EFCAB13: variants seen among roughly 807,000 people sequenced by gnomAD.
The protein encoded by EFCAB13 is EF-hand calcium binding domain 13, also known as EF-hand calcium-binding domain-containing protein 13.
EFCAB13 carries 91 observed loss-of-function variants against 110.2 expected under a neutral mutation model. That is an observed-to-expected ratio of 0.83 (90% confidence interval 0.70 to 0.98). The LOEUF (loss-of-function observed/expected upper bound fraction) is 0.98. Among genes scored for constraint, EFCAB13 ranks in the 50% least tolerant of loss-of-function variants. The pLI is 0.00. For synonymous variants in EFCAB13, 323 were observed against 369.9 expected (o/e 0.87, Z 1.45); for missense variants, 968 against 1,119.4 (o/e 0.86, Z 1.93).
In EFCAB13 at chr17:47,431,859, ATCT is replaced by A. The variant is rs1598769145; in HGVS notation, c.2638+1902_2638+1904del. Among the ~76,000 whole-genome samples, 1 of 152,170 alleles carries A rather than the reference ATCT, an allele frequency of 6.6e-6. No individual in the cohort carries two copies. On this transcript the variant is annotated intron_variant, in intron 24 of 24. Transcript: ENST00000331493. The surrounding 1 kb of genome is among the most constrained non-coding windows in gnomAD (Gnocchi z 4.1). ...TAGTTACTGAAACAGTTGTTCTAAA[ATCT>A]TCTACAATTTTATACCATGATTATG... is the stretch of plus-strand genomic sequence containing the variant.
At chr17:47,379,515 A>T (rs1343286956) in intron 14 of EFCAB13, among the ~76,000 whole-genome samples, 1 of 152,156 alleles carries the variant, frequency 6.6e-6, no homozygotes, top group Non-Finnish European at 1.5e-5. Flanking sequence ...GCGGAGATCA[A>T]ATAGGTAATT....
intron 18 of EFCAB13, among the ~76,000 whole-genome samples, 165 bp from the exon 19 acceptor site, chr17:47,403,711 CTT>C (rs2065790289): frequency 6.6e-6 from 1 of 152,166 alleles, no homozygotes; most frequent in Admixed American, 6.5e-5. Context: ...CAAGAGAACT[CTT>C]TGCACATTGT....
chr17:47,391,446 G>A lies in EFCAB13; in HGVS notation c.1592G>A (p.Gly531Asp), dbSNP rs565433851. ...ACTCCTTTATTTTTAGCGTTGCCTG[G>A]TGTCATTAAAGCCATTGATAAAATT... ...RSFPECNALP[G>D]VIKAIDKIKD... is the part of the protein sequence containing the mutation. Residue 531 changes from glycine to aspartate, a missense_variant, in exon 15 of 25, where the codon GGT (glycine) becomes GAT (aspartate). Physicochemically the swap from Gly to Asp is moderately conservative, Grantham distance 94. Coordinates refer to ENST00000331493, the MANE Select transcript of EFCAB13 (RefSeq NM_152347.5). 2.3e-5 allele frequency: 36 copies of A among 1,562,024 alleles called. No individual in the cohort carries two copies. In the South Asian group the frequency reaches 4.4e-4, roughly 19 times the overall value.
intron 4 of EFCAB13, among the ~76,000 whole-genome samples, chr17:47,330,147 A>T (rs72825642): frequency 0.08 from 11,945 of 149,418 alleles, 576 homozygotes; most frequent in African/African-American, 0.12. Flanking sequence ...AATATTTCCA[A>T]CTGCATTCTT....
At chr17:47,404,765 C>T (rs757157639) in intron 20 of EFCAB13, 132 bp downstream of exon 20, 70 of 495,864 alleles carry the variant, frequency 1.4e-4, no homozygotes, top group Non-Finnish European at 2.2e-4. Context: ...TTCATGTGTA[C>T]TTGAACACTT....
chr17:47,344,202 C>T lies in EFCAB13; in HGVS notation c.344C>T (p.Thr115Ile). 1 of 1,613,158 alleles carries T rather than the reference C, an allele frequency of 6.2e-7. No homozygotes were observed. The highest frequency in any genetic ancestry group is 8.5e-7 in the Non-Finnish European group (1 of 1,179,364). Residue 115 changes from threonine (T) to isoleucine (I), a missense_variant, in exon 7 of 25, where the codon ACA becomes ATA. Physicochemically the swap from Thr to Ile is moderately conservative, Grantham distance 89. Coordinates refer to ENST00000331493, the MANE Select transcript of EFCAB13 (RefSeq NM_152347.5). ...CTGAAGCTGTCAAAGGAGAAGGTGACAAGGAAAGAAAACTCTTTATGCAAG... is the reference window on the plus strand; with the variant it reads ...CTGAAGCTGTCAAAGGAGAAGGTGATAAGGAAAGAAAACTCTTTATGCAAG... ...PFLKLSKEKV[T>I]RKENSLCKLP... is the part of the protein sequence containing the mutation.
At chr17:47,425,171 C>A (rs62076507) in intron 23 of EFCAB13, among the ~76,000 whole-genome samples, 12,980 of 151,878 alleles carry the variant, frequency 0.085, 762 homozygotes, top group Middle Eastern at 0.16. Context: ...CGTGAGCCAC[C>A]GCGCCCGGCC....
chr17:47,335,306 G>A lies in EFCAB13; in HGVS notation c.141G>A (p.Glu47=). 1 of 1,606,894 alleles carries A rather than the reference G, an allele frequency of 6.2e-7. No homozygotes were observed. ...KKYIKFSKTI[E]KEISPEIRSL... is the part of the protein sequence containing the mutation. Reference sequence around the variant, plus strand: ...ACATCAAGTTTTCTAAAACAATAGAGAAGGAAATTTCACCGGAAATTAGGA... The same window carrying A: ...ACATCAAGTTTTCTAAAACAATAGAAAAGGAAATTTCACCGGAAATTAGGA... The change falls in exon 5 of 25, where the codon GAG becomes GAA. Residue 47 remains glutamate (E), a synonymous_variant. Transcript: ENST00000331493.
chr17:47,379,402 G>T, intron 14 of EFCAB13, 149 bp downstream of exon 14: 1 of 586,206 alleles, frequency 1.7e-6, no homozygotes, highest in Non-Finnish European at 3.0e-6. Context: ...TTAAAAACTT[G>T]CTATATCAGA....
intron 14 of EFCAB13, among the ~76,000 whole-genome samples, 189 bp from the exon 15 acceptor site, chr17:47,391,243 AATAAT>A (rs1193235518): frequency 2.0e-5 from 3 of 152,140 alleles, no homozygotes; most frequent in Non-Finnish European, 4.4e-5. Context: ...TGTGGCCTAG[AATAAT>A]ATATTTTTGA....
intron 8 of EFCAB13, among the ~76,000 whole-genome samples, chr17:47,345,905 C>G (rs967559133): frequency 1.3e-5 from 2 of 152,010 alleles, no homozygotes; most frequent in Non-Finnish European, 2.9e-5. Context: ...CTTCACTACT[C>G]TCCTCAAATA....
At chr17:47,359,461 G>C (rs917810731) in intron 9 of EFCAB13, among the ~76,000 whole-genome samples, 1 of 149,742 alleles carries the variant, frequency 6.7e-6, no homozygotes, top group Admixed American at 6.7e-5. Flanking sequence ...TGAATTTCAA[G>C]AAAATCTAGT....
At chr17:47,397,809 GC>G (rs1331177737) in intron 17 of EFCAB13, among the ~76,000 whole-genome samples, 1 of 151,282 alleles carries the variant, frequency 6.6e-6, no homozygotes, top group Non-Finnish European at 1.5e-5. Flanking sequence ...GAGCCCCTCC[GC>G]CCGGCAGCTG....
chr17:47,333,114 GCTAACAGAATAT>G (rs1191264272), intron 4 of EFCAB13, among the ~76,000 whole-genome samples: 3 of 152,138 alleles, frequency 2.0e-5, no homozygotes, highest in African/African-American at 4.8e-5. Flanking sequence ...TAACAGAATA[GCTAACAGAATAT>G]CTAACAGAAT....
chr17:47,417,648 A>G (rs1385650986), intron 23 of EFCAB13, among the ~76,000 whole-genome samples: 2 of 152,152 alleles, frequency 1.3e-5, no homozygotes, highest in African/African-American at 2.4e-5. Flanking sequence ...AATTTCTCCC[A>G]ATAGTCATAT....
At chr17:47,353,720 T>C (rs1053708213) in intron 9 of EFCAB13, among the ~76,000 whole-genome samples, 3 of 152,240 alleles carry the variant, frequency 2.0e-5, no homozygotes, top group Non-Finnish European at 4.4e-5. Context: ...TAAACATTAA[T>C]ATGCCTATAT....
chr17:47,325,941 TATATATATATATATATATATAGC>T (rs1201102376), intron 2 of EFCAB13, among the ~76,000 whole-genome samples: 12 of 61,912 alleles, frequency 1.9e-4, no homozygotes, highest in African/African-American at 6.7e-4. Flanking sequence ...TATATATATA[TATATATATATATATATATATAGC>T]ATATATATAT....
intron 5 of EFCAB13, 111 bp downstream of exon 5, chr17:47,335,467 C>G: frequency 1.2e-6 from 1 of 827,322 alleles, no homozygotes; most frequent in South Asian, 2.3e-5. Context: ...TGTATAGGAT[C>G]ATGCATATTT....
At chr17:47,420,055 C>G (rs369438947) in intron 23 of EFCAB13, among the ~76,000 whole-genome samples, 7 of 152,166 alleles carry the variant, frequency 4.6e-5, no homozygotes, top group East Asian at 3.8e-4. Context: ...CTGCCTGATT[C>G]TCCTGCCTCA....
Sources: gnomAD v4.1 joint callset for allele counts (sites outside exome capture counted in the v4.1 genomes callset) on GRCh38, gnomAD v4.1.1 for gene constraint, Gnocchi (gnomAD v3.1) non-coding constraint, MANE v1.5 for transcripts, NCBI Gene and HGNC (gene_info 2026-07-23, HGNC 2026-07-21) for gene names.